METTL25: variants seen among roughly 807,000 people sequenced by gnomAD.
METTL25 encodes methyltransferase like 25, also known as probable methyltransferase-like protein 25.
A neutral mutation model predicts 71.6 loss-of-function variants in METTL25; 64 were observed. That is an observed-to-expected ratio of 0.89 (90% CI 0.73 to 1.10). The LOEUF (loss-of-function observed/expected upper bound fraction) is 1.10. Among genes scored for constraint, METTL25 ranks in the 50% least tolerant of loss-of-function variants. The pLI is 0.00. For synonymous variants in METTL25, 287 were observed against 250.3 expected, an observed-to-expected ratio of 1.15 and a Z score of -1.38; for missense variants, 807 against 707.0, an observed-to-expected ratio of 1.14 and a Z score of -1.60.
intron 5 of METTL25, among the ~76,000 whole-genome samples, chr12:82,420,495 G>C (rs1387741016): frequency 1.3e-5 from 2 of 151,978 alleles, no homozygotes. Flanking sequence ...CATATCTGCA[G>C]CTTTTTATAT....
At chr12:82,462,803 C>G (rs1236915513) in intron 9 of METTL25, among the ~76,000 whole-genome samples, 1 of 152,084 alleles carries the variant, frequency 6.6e-6, no homozygotes, top group Non-Finnish European at 1.5e-5. Context: ...GCTCCAGTCT[C>G]TAGTGTCATA....
At chr12:82,402,552 G>A (rs2137023202) in intron 4 of METTL25, among the ~76,000 whole-genome samples, 1 of 152,078 alleles carries the variant, frequency 6.6e-6, no homozygotes, top group East Asian at 1.9e-4. Flanking sequence ...AGAGATCACA[G>A]TTATTTTACC....
intron 1 of METTL25, among the ~76,000 whole-genome samples, chr12:82,367,238 A>C (rs1425443786): frequency 6.6e-6 from 1 of 152,078 alleles, no homozygotes; most frequent in Non-Finnish European, 1.5e-5. Context: ...GCCAATCATC[A>C]TATATTTGGT....
intron 8 of METTL25, among the ~76,000 whole-genome samples, chr12:82,444,255 G>A (rs900982092): frequency 1.3e-5 from 2 of 152,120 alleles, no homozygotes; most frequent in East Asian, 3.9e-4. Flanking sequence ...GAAGTGGGAG[G>A]ACATTCAAAG....
intron 5 of METTL25, among the ~76,000 whole-genome samples, chr12:82,416,734 A>G (rs1264905062): frequency 6.6e-6 from 1 of 152,052 alleles, no homozygotes; most frequent in African/African-American, 2.4e-5. Context: ...CGGCCTCCCA[A>G]AATGCTGGGA....
chr12:82,408,664 T>C (rs1481610034), intron 5 of METTL25, among the ~76,000 whole-genome samples: 1 of 151,580 alleles, frequency 6.6e-6, no homozygotes, highest in African/African-American at 2.4e-5. Context: ...TTCTGGGCTA[T>C]TTAGCAGAAA....
chr12:82,469,039 A>G (rs1368744388), intron 9 of METTL25: 2 of 152,204 alleles, frequency 1.3e-5, no homozygotes, highest in Non-Finnish European at 2.9e-5. Context: ...CTCTTACACA[A>G]CACATGGGAA....
chr12:82,386,127 A>T (rs1239884011), intron 1 of METTL25, among the ~76,000 whole-genome samples: 1 of 152,136 alleles, frequency 6.6e-6, no homozygotes, highest in African/African-American at 2.4e-5. Context: ...GAAGAAAATG[A>T]GTTGTTTTCA....
intron 8 of METTL25, among the ~76,000 whole-genome samples, chr12:82,441,955 T>TA (rs1398436886): frequency 6.6e-6 from 1 of 151,896 alleles, no homozygotes; most frequent in Admixed American, 6.6e-5. Flanking sequence ...AGGTATTAGA[T>TA]AAGGCTGAGT....
intron 1 of METTL25, among the ~76,000 whole-genome samples, chr12:82,363,546 A>C (rs1347173029): frequency 6.6e-6 from 1 of 152,170 alleles, no homozygotes. Context: ...AATAAAAAGC[A>C]ACTAAGCAGA....
intron 5 of METTL25, among the ~76,000 whole-genome samples, chr12:82,417,284 A>T (rs905044779): frequency 8.5e-5 from 13 of 152,202 alleles, no homozygotes; most frequent in African/African-American, 3.1e-4. Context: ...AAAGCATTAT[A>T]AAAGTGATGT....
chr12:82,438,925 C>A, intron 8 of METTL25, 134 bp downstream of exon 8: 3 of 628,416 alleles, frequency 4.8e-6, no homozygotes, highest in Non-Finnish European at 7.0e-6. Flanking sequence ...ATGTCAATAA[C>A]AAGTACACAA....
At chr12:82,439,023 C>A in intron 8 of METTL25, 1 of 301,428 alleles carries the variant, frequency 3.3e-6, no homozygotes, top group South Asian at 1.4e-4. Flanking sequence ...ATAAAATAAT[C>A]TATGTAAAAT....
chr12:82,361,475 C>CTTGGGCTACGCAGGAGCCCGCGGTGCTT (rs1881878985), intron 1 of METTL25, among the ~76,000 whole-genome samples: 2 of 152,012 alleles, frequency 1.3e-5, no homozygotes, highest in African/African-American at 4.8e-5. Context: ...AGGCGGTGCT[C>CTTGGGCTACGCAGGAGCCCGCGGTGCTT]GTTGGGGAGG....
At chr12:82,397,765 T>C (rs910372797) in intron 3 of METTL25, among the ~76,000 whole-genome samples, 5 of 152,098 alleles carry the variant, frequency 3.3e-5, no homozygotes, top group African/African-American at 1.2e-4. Flanking sequence ...TGGATCTATT[T>C]CTGTACTGTT....
chr12:82,478,809 A>G (rs754411871), intron 11 of METTL25, 123 bp from the exon 12 acceptor site: 5 of 739,042 alleles, frequency 6.8e-6, no homozygotes, highest in Non-Finnish European at 8.5e-6. Flanking sequence ...ACAAAGCATA[A>G]GAATTTTCTG....
At chr12:82,407,984 A>G (rs1887234083) in intron 5 of METTL25, 1 of 984,258 alleles carries the variant, frequency 1.0e-6, no homozygotes, top group South Asian at 4.7e-5. Context: ...TTATAACAGT[A>G]TTTCTCAATT....
At chr12:82,477,513 A>G (rs1348150323) in intron 11 of METTL25, among the ~76,000 whole-genome samples, 161 bp downstream of exon 11, 2 of 151,802 alleles carry the variant, frequency 1.3e-5, no homozygotes, top group Non-Finnish European at 3.0e-5. Flanking sequence ...CTTTTTAAAC[A>G]TATAAACATA....
chr12:82,402,164 G>A (rs977297513), intron 4 of METTL25, among the ~76,000 whole-genome samples: 2 of 151,872 alleles, frequency 1.3e-5, no homozygotes, highest in African/African-American at 2.4e-5. Flanking sequence ...TTTTAAATAC[G>A]ATGTATACTA....
Sources: allele counts gnomAD v4.1 joint callset (sites outside exome capture counted in the v4.1 genomes callset), GRCh38; gene constraint gnomAD v4.1.1; transcripts MANE v1.5; gene names NCBI Gene and HGNC (gene_info 2026-07-23, HGNC 2026-07-21).